Variants in DAD1 observed in about 807,000 individuals in gnomAD.
DAD1 encodes the protein dolichyl-diphosphooligosaccharide--protein glycosyltransferase subunit DAD1.
Under a neutral mutation model 9.0 loss-of-function variants are expected in DAD1, and 4 were observed. The observed-to-expected ratio is 0.44, with a 90% CI of 0.22 to 1.01. DAD1 has a LOEUF of 1.01. DAD1 is among the 50% of genes least tolerant of loss of function. DAD1 has a pLI of 0.24. For synonymous variants in DAD1, 60 were observed against 62.5 expected (o/e 0.96, Z 0.19); for missense variants, 119 against 137.3 (o/e 0.87, Z 0.67).
At chr14:22,582,182 G>A (rs2037121536) in intron 1 of DAD1, among the ~76,000 whole-genome samples, 1 of 149,064 alleles carries the variant, frequency 6.7e-6, no homozygotes, top group Admixed American at 6.7e-5. Context: ...ACTCCAGCCT[G>A]GCGACACAGT....
chr14:22,571,922 G>A (rs2037044169), intron 2 of DAD1, among the ~76,000 whole-genome samples: 2 of 152,142 alleles, frequency 1.3e-5, no homozygotes, highest in Non-Finnish European at 2.9e-5. Flanking sequence ...CAGCCACCGT[G>A]CTCAGCCATC....
intron 2 of DAD1, among the ~76,000 whole-genome samples, chr14:22,573,762 T>C (rs1276056703): frequency 8.5e-6 from 1 of 117,356 alleles, no homozygotes; most frequent in African/African-American, 3.0e-5. Context: ...TTCACTGAAA[T>C]AAACCTCACT....
chr14:22,584,359 T>C (rs368909597), intron 1 of DAD1, among the ~76,000 whole-genome samples: 3 of 151,890 alleles, frequency 2.0e-5, no homozygotes, highest in South Asian at 2.1e-4. Context: ...CACACACACA[T>C]ACAAGGTGAA....
intron 2 of DAD1, 21 bp from the exon 3 acceptor site, chr14:22,565,158 G>A (rs1355377542): frequency 1.4e-6 from 1 of 702,102 alleles, no homozygotes; most frequent in Admixed American, 2.0e-5. Context: ...AAAGCAGCAA[G>A]GTTAAATGTC....
At position 22,588,994 on chromosome 14, in the gene DAD1, G is replaced by C. The variant is rs1803480; in HGVS notation, c.164C>G (p.Ser55Cys). ...ACAAGAGATGAAGCCCGAGAGAAAAGAGTTGAAGGGGAAGGTCCCCACGAG... is the reference window on the plus strand; with the variant it reads ...ACAAGAGATGAAGCCCGAGAGAAAACAGTTGAAGGGGAAGGTCCCCACGAG... ...CLLVGTFPFN[S>C]FLSGFISCVG... Residue 55 changes from serine (S) to cysteine (C), a missense_variant, in exon 1 of 3, where the codon TCT becomes TGT. Transcript: ENST00000250498. 6.2e-7 allele frequency: 1 copy of C among 1,614,202 alleles called. No individual in the cohort carries two copies. Among genetic ancestry groups the C allele is most frequent in the Non-Finnish European group, 8.5e-7 (1 of 1,180,042 alleles).
intron 2 of DAD1, chr14:22,567,216 G>A (rs2037007215): frequency 6.6e-6 from 1 of 152,228 alleles, no homozygotes; most frequent in Non-Finnish European, 1.5e-5. Flanking sequence ...TGACGCTGTA[G>A]AGATAGAAAA....
chr14:22,579,840 CTT>C (rs34081969), intron 1 of DAD1, among the ~76,000 whole-genome samples: 23 of 129,216 alleles, frequency 1.8e-4, no homozygotes, highest in Admixed American at 3.2e-4. Flanking sequence ...AAAGCCAATC[CTT>C]TTTTTTTTTT....
chr14:22,576,142 C>T (rs1016968379), intron 1 of DAD1, among the ~76,000 whole-genome samples: 1 of 152,080 alleles, frequency 6.6e-6, no homozygotes, highest in African/African-American at 2.4e-5. Context: ...ACCACAGGCA[C>T]GGGTGAACAC....
Position 22,586,246 on chromosome 14 carries a change from G to A in DAD1, c.211+2701C>T, listed in dbSNP as rs1307591212. On this transcript the variant is annotated intron_variant, in intron 1 of 2. Transcript: ENST00000250498. ...TCAGAAGCTTTACTATTACCTACAG[G>A]ATAAAGTCCAAATTCCTGGCCGGGC... Among the ~76,000 whole-genome samples, 4 of 151,464 alleles carry A rather than the reference G, an allele frequency of 2.6e-5. No individual in the cohort carries two copies. The East Asian group carries it at 7.8e-4, about 30-fold the overall frequency.
chr14:22,588,784 A>G (rs1298226701), intron 1 of DAD1, among the ~76,000 whole-genome samples, 163 bp downstream of exon 1: 1 of 152,184 alleles, frequency 6.6e-6, no homozygotes, highest in Non-Finnish European at 1.5e-5. Context: ...TTAGGCATAT[A>G]ATCTAAGCTT....
chr14:22,589,150 G>A lies in DAD1; in HGVS notation c.8C>T (p.Ala3Val). The A allele has an allele frequency of 6.2e-7, 1 of 1,614,142 alleles. No individual in the cohort carries two copies. The highest frequency in any genetic ancestry group is 1.3e-5 in the African/African-American group (1 of 75,038). Residue 3 changes from alanine to valine, a missense_variant, in exon 1 of 3, where the codon GCG becomes GTG. Ala to Val is a moderately conservative substitution (Grantham distance 64). Coordinates refer to ENST00000250498, the MANE Select transcript of DAD1 (RefSeq NM_001344.4). Reference sequence around the variant, plus strand: ...CCGCGAAATGACAGACACTACCGACGCCGACATAACTGCACGCAAGGTACT... The same window carrying A: ...CCGCGAAATGACAGACACTACCGACACCGACATAACTGCACGCAAGGTACT... MS[A>V]SVVSVISRFL...
At chr14:22,572,226 A>G (rs987548041) in intron 2 of DAD1, among the ~76,000 whole-genome samples, 5 of 152,100 alleles carry the variant, frequency 3.3e-5, no homozygotes, top group African/African-American at 1.2e-4. Context: ...TCAAACTCTC[A>G]ACTTAGTTGG....
chr14:22,587,984 C>G (rs2037165844), intron 1 of DAD1, among the ~76,000 whole-genome samples: 1 of 152,202 alleles, frequency 6.6e-6, no homozygotes, highest in Non-Finnish European at 1.5e-5. Flanking sequence ...GATCTGCCTA[C>G]CTCGGCCTCC....
At chr14:22,569,617 T>C (rs2037024924) in intron 2 of DAD1, among the ~76,000 whole-genome samples, 1 of 152,136 alleles carries the variant, frequency 6.6e-6, no homozygotes, top group Non-Finnish European at 1.5e-5. Flanking sequence ...GGGGTGGGAA[T>C]GACTTGGAAT....
In DAD1 at chr14:22,581,389, T is replaced by C. The variant is rs7141823; in HGVS notation, c.212-6156A>G. ...TATTTGAAAGATAAGGAACCAACCA[T>C]GTAAAAATCTGGGGGCAGAGCATTC... is the stretch of plus-strand genomic sequence containing the variant. On this transcript the variant is annotated intron_variant, in intron 1 of 2. Coordinates refer to ENST00000250498, the MANE Select transcript of DAD1 (RefSeq NM_001344.4). Among the ~76,000 whole-genome samples the C allele has an allele frequency of 5.4e-3, 818 of 152,214 alleles. 9 individuals are homozygous for C. Among genetic ancestry groups the C allele is most frequent in the African/African-American group, 0.019 (788 of 41,512 alleles).
chr14:22,586,730 C>G (rs1264798097), intron 1 of DAD1, among the ~76,000 whole-genome samples: 3 of 152,094 alleles, frequency 2.0e-5, no homozygotes, highest in Non-Finnish European at 4.4e-5. Flanking sequence ...CTACCTTTGC[C>G]AACAATCAAA....
At chr14:22,584,666 A>T (rs1377852345) in intron 1 of DAD1, among the ~76,000 whole-genome samples, 1 of 152,278 alleles carries the variant, frequency 6.6e-6, no homozygotes, top group Non-Finnish European at 1.5e-5. Flanking sequence ...GAGTGTTCAG[A>T]GAATGACAAG....
At chr14:22,582,358 C>T (rs1030545876) in intron 1 of DAD1, among the ~76,000 whole-genome samples, 1 of 111,076 alleles carries the variant, frequency 9.0e-6, no homozygotes, top group Non-Finnish European at 2.0e-5. Context: ...CTAAAAAATA[C>T]AAAAAAAAAA....
At chr14:22,580,754 C>A (rs2037110726) in intron 1 of DAD1, among the ~76,000 whole-genome samples, 1 of 152,012 alleles carries the variant, frequency 6.6e-6, no homozygotes, top group South Asian at 2.1e-4. Context: ...TATACAATGC[C>A]CAAGAGGTGG....
Sources: allele counts gnomAD v4.1 joint callset (sites outside exome capture counted in the v4.1 genomes callset), GRCh38; gene constraint gnomAD v4.1.1; transcripts MANE v1.5; gene names NCBI Gene and HGNC (gene_info 2026-07-23, HGNC 2026-07-21).